The following MTMR3 variants were observed in gnomAD, a reference collection of about 807,000 sequenced individuals.
The protein encoded by MTMR3 is myotubularin related protein 3.
MTMR3 carries 32 observed loss-of-function variants against 132.4 expected under a neutral mutation model. The observed-to-expected ratio is 0.24, with a 90% confidence interval of 0.18 to 0.32. MTMR3 has a LOEUF of 0.32. MTMR3 is among the 10% of genes least tolerant of loss of function. The pLI is 1.00. For missense variants in MTMR3, 1,216 were observed against 1,489.6 expected, an observed-to-expected ratio of 0.82 and a Z score of 3.02; for synonymous variants, 556 against 550.3, an observed-to-expected ratio of 1.01 and a Z score of -0.14.
At chr22:29,971,325 G>A (rs753912638) in intron 3 of MTMR3, among the ~76,000 whole-genome samples, 14 of 152,028 alleles carry the variant, frequency 9.2e-5, no homozygotes, top group Non-Finnish European at 1.6e-4. Flanking sequence ...GCAAGTAAAT[G>A]GAATCAAGAC....
chr22:29,930,504 A>G (rs2065619706), intron 1 of MTMR3, among the ~76,000 whole-genome samples: 1 of 152,176 alleles, frequency 6.6e-6, no homozygotes, highest in Non-Finnish European at 1.5e-5. Context: ...GTTCGAGACC[A>G]GCCTAGGCAA....
intron 3 of MTMR3, among the ~76,000 whole-genome samples, chr22:29,975,291 TAAC>T (rs572567121): frequency 5.1e-4 from 78 of 152,338 alleles, no homozygotes; most frequent in South Asian, 1.7e-3. Flanking sequence ...CATTTAAAAG[TAAC>T]AACAAACCAA....
At position 30,016,548 on chromosome 22, in the gene MTMR3, C is replaced by T. The variant is rs1233770608; in HGVS notation, c.1524C>T (p.Thr508=). 2.5e-6 allele frequency: 4 copies of T among 1,613,996 alleles called. No homozygotes were observed. The highest frequency in any genetic ancestry group is 3.4e-6 in the Non-Finnish European group (4 of 1,179,932). The change falls in exon 15 of 20, where the codon ACC becomes ACT. Residue 508 remains threonine (T), a synonymous_variant. Transcript: ENST00000401950. ...EAFLVKLVQH[T]YSCLFGTFLC... ...CATAGGTGAAACTGGTGCAGCATAC[C>T]TATTCCTGCCTGTTTGGAACATTCC...
Position 30,019,830 on chromosome 22 carries a change from A to G in MTMR3, c.2171A>G (p.Glu724Gly), listed in dbSNP as rs776232518. ...GAGGGTAAAGAGGACCCTCTCTTAGAAAAGGAGAGCAGGAGGAAGACACCT... is the reference window on the plus strand; with the variant it reads ...GAGGGTAAAGAGGACCCTCTCTTAGGAAAGGAGAGCAGGAGGAAGACACCT... ...IQEGKEDPLL[E>G]KESRRKTPEA... The change falls in exon 17 of 20, where the codon GAA (glutamate) becomes GGA (glycine). Residue 724 changes from glutamate to glycine, a missense_variant. Around this residue, in one of 7 missense-constraint regions of MTMR3, gnomAD observed 852 missense variants for 852.0 expected, o/e 1.00. Transcript: ENST00000401950. The G allele has an allele frequency of 6.2e-7, 1 of 1,614,196 alleles. No homozygotes were observed. Among genetic ancestry groups the G allele is most frequent in the Non-Finnish European group, 8.5e-7 (1 of 1,180,028 alleles).
At chr22:29,900,723 A>C (rs2064988465) in intron 1 of MTMR3, among the ~76,000 whole-genome samples, 1 of 152,100 alleles carries the variant, frequency 6.6e-6, no homozygotes, top group Non-Finnish European at 1.5e-5. Context: ...CTTTAAAAAA[A>C]ATTTTTTTTG....
chr22:29,896,751 A>G (rs2064904713), intron 1 of MTMR3, among the ~76,000 whole-genome samples: 1 of 152,184 alleles, frequency 6.6e-6, no homozygotes, highest in South Asian at 2.1e-4. Context: ...TTAAGAGTGT[A>G]TTCCAGTATT....
chr22:29,963,078 G>T (rs1052080927), intron 2 of MTMR3, among the ~76,000 whole-genome samples: 3 of 151,736 alleles, frequency 2.0e-5, no homozygotes, highest in Non-Finnish European at 2.9e-5. Flanking sequence ...ATGCCAGCAC[G>T]TCCAGCTAGT....
chr22:29,901,387 T>C (rs925203500), intron 1 of MTMR3, among the ~76,000 whole-genome samples: 1 of 152,150 alleles, frequency 6.6e-6, no homozygotes, highest in African/African-American at 2.4e-5. Context: ...TTTAGTGTTC[T>C]TGCTTCGGTG....
intron 1 of MTMR3, among the ~76,000 whole-genome samples, chr22:29,903,390 C>CTTTTTTTTTTTTTTTTTTTT (rs35625964): frequency 1.7e-5 from 2 of 119,708 alleles, no homozygotes; most frequent in Non-Finnish European, 3.3e-5. Flanking sequence ...CTTTTTCTTT[C>CTTTTTTTTTTTTTTTTTTTT]TTTTTTTTTT....
intron 14 of MTMR3, chr22:30,015,587 T>G (rs926640145): frequency 6.7e-6 from 1 of 150,252 alleles, no homozygotes; most frequent in African/African-American, 2.4e-5. Context: ...AACCTGGTTA[T>G]TTATTGCCAC....
At chr22:29,967,598 T>C (rs2066453724) in intron 2 of MTMR3, among the ~76,000 whole-genome samples, 1 of 151,822 alleles carries the variant, frequency 6.6e-6, no homozygotes, top group African/African-American at 2.4e-5. Flanking sequence ...AAGTATACAA[T>C]TCAGTGGTTT....
intron 17 of MTMR3, chr22:30,021,794 C>T (rs2067761770): frequency 2.1e-6 from 1 of 483,050 alleles, no homozygotes; most frequent in Non-Finnish European, 3.7e-6. Flanking sequence ...CCCTGAGGGC[C>T]TGTTTTTCTA....
chr22:29,926,444 CT>C (rs1374210021), intron 1 of MTMR3, among the ~76,000 whole-genome samples: 1 of 152,144 alleles, frequency 6.6e-6, no homozygotes, highest in East Asian at 1.9e-4. Context: ...GTATGTTTAA[CT>C]TTTTGAAGAA....
At chr22:30,007,622 A>G in intron 10 of MTMR3, 1 of 558,436 alleles carries the variant, frequency 1.8e-6, no homozygotes, top group South Asian at 2.2e-5. Context: ...GCCAGGCTTC[A>G]TGAAAGGACA....
chr22:29,902,353 T>C (rs542485795), intron 1 of MTMR3, among the ~76,000 whole-genome samples: 7 of 152,250 alleles, frequency 4.6e-5, no homozygotes, highest in Non-Finnish European at 1.0e-4. Context: ...TTGTCAATCA[T>C]TGACTTTTTT....
intron 11 of MTMR3, 44 bp downstream of exon 11, chr22:30,008,076 G>GT: frequency 6.3e-7 from 1 of 1,595,060 alleles, no homozygotes; most frequent in Non-Finnish European, 8.6e-7. Flanking sequence ...CTCCTTGTGA[G>GT]TGTAGCCCTT....
At chr22:29,935,393 G>A (rs577181199) in intron 1 of MTMR3, among the ~76,000 whole-genome samples, 2 of 152,296 alleles carry the variant, frequency 1.3e-5, no homozygotes, top group South Asian at 4.1e-4. Context: ...ATTGGGTTTT[G>A]AGACAAGGTC....
chr22:30,005,369 C>T (rs929745168), intron 9 of MTMR3: 10 of 152,168 alleles, frequency 6.6e-5, no homozygotes, highest in African/African-American at 2.4e-4. Flanking sequence ...CTAATAGCTA[C>T]TATAATGCAG....
chr22:29,991,752 C>G lies in MTMR3; in HGVS notation c.460+82C>G, dbSNP rs1366899291. The G allele has an allele frequency of 1.1e-5, 15 of 1,384,184 alleles. No individual in the cohort carries two copies. In the South Asian group the frequency reaches 1.5e-4, roughly 13 times the overall value. 85.7% of individuals were successfully genotyped at this position (1,384,184 alleles called of 1,614,324 possible). A position where few individuals can be genotyped will look rare whatever the true frequency, so the allele number is the denominator to read the frequency against. On this transcript the variant is annotated intron_variant, in intron 7 of 19. Coordinates refer to ENST00000401950, the MANE Select transcript of MTMR3 (RefSeq NM_021090.4). Reference sequence around the variant, plus strand: ...GTACTTTTAACATGAAATGGGACACCTAAGCATTCATATATCAATCAGTGT... The same window carrying G: ...GTACTTTTAACATGAAATGGGACACGTAAGCATTCATATATCAATCAGTGT...
Sources: allele counts gnomAD v4.1 joint callset (sites outside exome capture counted in the v4.1 genomes callset), GRCh38; gene constraint gnomAD v4.1.1; regional missense constraint gnomAD v4.1.1; transcripts MANE v1.5; gene names NCBI Gene and HGNC (gene_info 2026-07-23, HGNC 2026-07-21).